ZDHHC6: variants seen among roughly 807,000 people sequenced by gnomAD.
ZDHHC6 encodes zDHHC palmitoyltransferase 6, also known as palmitoyltransferase ZDHHC6.
In ZDHHC6, 32 loss-of-function variants were observed where a neutral mutation model predicts 57.8. The ratio of observed to expected loss-of-function variants is 0.55; its 90% CI spans 0.42 to 0.74. The LOEUF (loss-of-function observed/expected upper bound fraction) is 0.74. ZDHHC6 is among the 30% of genes least tolerant of loss of function. ZDHHC6 has a pLI of 0.00. For synonymous variants in ZDHHC6, 128 were observed against 158.0 expected (o/e 0.81, Z 1.42); for missense variants, 433 against 500.7 (o/e 0.86, Z 1.29).
intron 8 of ZDHHC6, 83 bp downstream of exon 8, chr10:112,433,157 T>C: frequency 8.8e-7 from 1 of 1,131,450 alleles, no homozygotes; most frequent in Non-Finnish European, 1.2e-6. Flanking sequence ...AATTGGTTTC[T>C]AGTCAGTCAA....
chr10:112,438,430 G>T, intron 5 of ZDHHC6, 41 bp from the exon 6 acceptor site: 1 of 1,303,606 alleles, frequency 7.7e-7, no homozygotes, highest in South Asian at 1.6e-5. Flanking sequence ...ATGCGACCTT[G>T]GTTCCTTTAA....
intron 4 of ZDHHC6, 61 bp downstream of exon 4, chr10:112,442,131 A>G (rs533825327): frequency 5.4e-6 from 8 of 1,469,736 alleles, no homozygotes; most frequent in South Asian, 1.5e-5. Context: ...TTAAATGTTG[A>G]TAACTACCAT....
intron 1 of ZDHHC6, among the ~76,000 whole-genome samples, chr10:112,446,081 G>C (rs987785676): frequency 6.6e-6 from 1 of 152,164 alleles, no homozygotes; most frequent in African/African-American, 2.4e-5. Context: ...GCAAGTCAAC[G>C]ACCTCCCTTT....
downstream of ZDHHC6, chr10:112,427,944 GAA>G (rs1178680066): frequency 1.3e-5 from 2 of 153,400 alleles, no homozygotes; most frequent in Non-Finnish European, 2.9e-5. Flanking sequence ...GTACTGAAGG[GAA>G]AAGTTTGATC....
At chr10:112,444,857 A>G (rs1242948996) in intron 2 of ZDHHC6, among the ~76,000 whole-genome samples, 1 of 152,076 alleles carries the variant, frequency 6.6e-6, no homozygotes, top group African/African-American at 2.4e-5. Flanking sequence ...GCCAAACCTC[A>G]CTGTGTATGA....
chr10:112,443,162 G>A (rs947688724), intron 3 of ZDHHC6, among the ~76,000 whole-genome samples: 4 of 152,150 alleles, frequency 2.6e-5, no homozygotes, highest in Non-Finnish European at 5.9e-5. Context: ...TTTAGACTCA[G>A]AACAATTCTA....
chr10:112,443,955 A>G (rs1489114502), intron 2 of ZDHHC6, among the ~76,000 whole-genome samples: 1 of 152,166 alleles, frequency 6.6e-6, no homozygotes, highest in Non-Finnish European at 1.5e-5. Flanking sequence ...TCGTGAGTTG[A>G]TAGTCCTACT....
chr10:112,447,025 C>T, upstream of ZDHHC6: 1 of 278,238 alleles, frequency 3.6e-6, no homozygotes, highest in Non-Finnish European at 7.1e-6. Flanking sequence ...GGATCCGGAG[C>T]CGATTCCCAG....
Position 112,432,498 on chromosome 10 carries a change from A to G in ZDHHC6, c.969T>C (p.Asp323=). The part of the protein sequence containing the change: ...VRSVRYKVIE[D]YSGACCPLNK... Reference sequence around the variant, plus strand: ...TCAGAGGGCAGCAGGCACCACTATAATCTTCTATTACTTTATAGCGAACCT... The same window carrying G: ...TCAGAGGGCAGCAGGCACCACTATAGTCTTCTATTACTTTATAGCGAACCT... Residue 323 remains aspartate, a synonymous_variant, in exon 9 of 11, where the codon GAT becomes GAC. Coordinates refer to ENST00000369405, the MANE Select transcript of ZDHHC6 (RefSeq NM_022494.3). 4 of 1,614,070 alleles carry G rather than the reference A, an allele frequency of 2.5e-6. No individual in the cohort carries two copies. In the South Asian group the frequency reaches 3.3e-5, roughly 13 times the overall value.
Position 112,445,591 on chromosome 10 carries a change from A to G in ZDHHC6, c.-155T>C. On this transcript the variant is annotated 5_prime_UTR_variant, in exon 2 of 11. Coordinates refer to ENST00000369405, the MANE Select transcript of ZDHHC6 (RefSeq NM_022494.3). ...CGCAGATTACACCATTTTCACTGTC[A>G]GGCACCCAAAGCTCTTTATCTTAAC... The G allele has an allele frequency of 1.2e-6, 1 of 856,084 alleles. No homozygotes were observed. The highest frequency in any genetic ancestry group is 1.7e-6 in the Non-Finnish European group (1 of 575,476). 53.0% of individuals were successfully genotyped at this position (856,084 alleles called of 1,614,324 possible).
intron 3 of ZDHHC6, 30 bp from the exon 4 acceptor site, chr10:112,442,381 G>A (rs1846199562): frequency 6.3e-7 from 1 of 1,590,024 alleles, no homozygotes; most frequent in Non-Finnish European, 8.5e-7. Flanking sequence ...TAAAACATGA[G>A]GCAGAAAATC....
chr10:112,437,907 T>A (rs925190438), intron 6 of ZDHHC6, among the ~76,000 whole-genome samples: 5 of 152,194 alleles, frequency 3.3e-5, no homozygotes, highest in Non-Finnish European at 7.3e-5. Context: ...ATGGACAGTA[T>A]GAAGTATTGG....
At chr10:112,429,891 C>T (rs1844879077), downstream of ZDHHC6, among the ~76,000 whole-genome samples, 1 of 151,488 alleles carries the variant, frequency 6.6e-6, no homozygotes, top group Non-Finnish European at 1.5e-5. Context: ...CTGGCCAGGT[C>T]CTCACAGCAC....
intron 7 of ZDHHC6, among the ~76,000 whole-genome samples, chr10:112,433,964 T>G (rs1177448965): frequency 6.6e-6 from 1 of 152,122 alleles, no homozygotes; most frequent in Admixed American, 6.5e-5. Context: ...GTGGAGGTCA[T>G]ATAAGATGGA....
At chr10:112,445,119 C>G (rs1846521127) in intron 2 of ZDHHC6, 51 bp downstream of exon 2, 2 of 1,565,180 alleles carry the variant, frequency 1.3e-6, no homozygotes, top group African/African-American at 1.4e-5. Context: ...AAGGCAAAAA[C>G]CAAATATACG....
chr10:112,426,964 G>T (rs1844749167), downstream of ZDHHC6: 2 of 1,115,546 alleles, frequency 1.8e-6, no homozygotes, highest in African/African-American at 1.6e-5. Context: ...ATTGATTTTA[G>T]ATTTTGTGCC....
rs777487530 is a variant in ZDHHC6 at position 112,430,771 on chromosome 10, C to G, written c.*33G>C. 45 of 1,570,844 alleles carry G rather than the reference C, an allele frequency of 2.9e-5. No individual in the cohort carries two copies. Among genetic ancestry groups the G allele is most frequent in the Non-Finnish European group, 3.8e-5 (44 of 1,147,158 alleles). ...TATGTACAATTTTCAAGTAATTAAG[C>G]AGACTTAAAGGATAATTTTGTTTTA... is the stretch of plus-strand genomic sequence containing the variant. On this transcript the variant is annotated 3_prime_UTR_variant, in exon 11 of 11. Coordinates refer to ENST00000369405, the MANE Select transcript of ZDHHC6 (RefSeq NM_022494.3).
At chr10:112,427,632 C>T (rs1411892877), downstream of ZDHHC6, 3 of 244,274 alleles carry the variant, frequency 1.2e-5, no homozygotes, top group African/African-American at 6.8e-5. Context: ...AGTTTATGTT[C>T]TGTGTCCTTC....
At chr10:112,427,187 G>A (rs773755541), downstream of ZDHHC6, 6 of 1,590,336 alleles carry the variant, frequency 3.8e-6, no homozygotes, top group East Asian at 2.2e-5. Context: ...AATCACTAAT[G>A]AGCATGGATG....
Sources: allele counts gnomAD v4.1 joint callset (sites outside exome capture counted in the v4.1 genomes callset), GRCh38; gene constraint gnomAD v4.1.1; transcripts MANE v1.5; gene names NCBI Gene and HGNC (gene_info 2026-07-23, HGNC 2026-07-21).